Variants in CPAMD8 observed in about 807,000 individuals in gnomAD.
CPAMD8 encodes C3 and PZP like alpha-2-macroglobulin domain containing 8, also known as C3 and PZP-like alpha-2-macroglobulin domain-containing protein 8.
CPAMD8 carries 146 observed loss-of-function variants against 224.7 expected under a neutral mutation model. That is an observed-to-expected ratio of 0.65 (90% confidence interval 0.57 to 0.75). CPAMD8 has a LOEUF of 0.75. Among genes scored for constraint, CPAMD8 ranks in the 30% least tolerant of loss-of-function variants. The probability of loss-of-function intolerance (pLI) is 0.00; values close to 1 mark genes in which losing one functional copy is unlikely to be tolerated. For missense variants in CPAMD8, 2,301 were observed against 2,537.5 expected, an observed-to-expected ratio of 0.91 and a Z score of 2.00; for synonymous variants, 966 against 1,044.6, an observed-to-expected ratio of 0.92 and a Z score of 1.45.
At chr19:16,924,591 A>G (rs1019227610) in intron 26 of CPAMD8, among the ~76,000 whole-genome samples, 7 of 151,656 alleles carry the variant, frequency 4.6e-5, no homozygotes, top group Admixed American at 2.0e-4. Flanking sequence ...ATTCTTTTTT[A>G]TTTTTTACAG....
At chr19:16,971,826 C>G (rs1019235119) in intron 17 of CPAMD8, among the ~76,000 whole-genome samples, 1 of 152,138 alleles carries the variant, frequency 6.6e-6, no homozygotes, top group Non-Finnish European at 1.5e-5. Context: ...GTGGGCGGAT[C>G]ACTTGAGATC....
intron 23 of CPAMD8, among the ~76,000 whole-genome samples, chr19:16,935,024 C>T (rs1048854877): frequency 3.3e-5 from 5 of 152,132 alleles, no homozygotes; most frequent in Admixed American, 2.6e-4. Flanking sequence ...CTTTCTTTCT[C>T]TATGATTTTG....
At position 16,938,445 on chromosome 19, in the gene CPAMD8, G is replaced by C. The variant is rs539938043; in HGVS notation, c.2795C>G (p.Ala932Gly). Residue 932 changes from alanine to glycine, a missense_variant and splice_region_variant, in exon 23 of 42, where the codon GCG becomes GGG. By Grantham distance (60) the Ala-to-Gly change is moderately conservative. This residue lies in a region of CPAMD8 where 1,709 missense variants were observed against 1,753.2 expected (regional missense o/e 0.97). Transcript: ENST00000443236. ...GGTGTACGCCCGGGGGACTCCTTCC[G>C]CCTGAAACAAAGAAACAAGGAGAAC... The part of the protein sequence containing the change: ...DHVRRSVMVE[A>G]EGVPRAYTYS... The C allele has an allele frequency of 6.4e-7, 1 of 1,573,494 alleles. No individual in the cohort carries two copies. The highest frequency in any genetic ancestry group is 8.6e-7 in the Non-Finnish European group (1 of 1,159,028).
intron 7 of CPAMD8, among the ~76,000 whole-genome samples, chr19:17,006,812 G>A (rs571415708): frequency 6.1e-4 from 93 of 152,236 alleles, no homozygotes; most frequent in African/African-American, 2.2e-3. Flanking sequence ...CCCGGGCTGG[G>A]ATAGAGCCCC....
intron 23 of CPAMD8, among the ~76,000 whole-genome samples, chr19:16,936,713 A>C (rs2053695948): frequency 1.3e-5 from 2 of 152,100 alleles, no homozygotes; most frequent in South Asian, 4.1e-4. Context: ...GGCCTTGCCC[A>C]CTTTTAATTA....
In CPAMD8 at chr19:16,980,549, C is replaced by T. The variant is rs1160035963; in HGVS notation, c.1533G>A (p.Arg511=). The T allele has an allele frequency of 9.3e-6, 15 of 1,614,050 alleles. No individual in the cohort carries two copies. The highest frequency in any genetic ancestry group is 4.4e-5 in the South Asian group (4 of 91,082). Reference sequence around the variant, plus strand: ...TCGGTTTCTCCAGGGCAGGGGCCGCCCGCTTGCTTCGCTGCTGGGTGGTGT... The same window carrying T: ...TCGGTTTCTCCAGGGCAGGGGCCGCTCGCTTGCTTCGCTGCTGGGTGGTGT... The part of the protein sequence containing the change: ...PAHTTQQRSK[R]AAPALEKPIR... The change falls in exon 14 of 42, where the codon CGG becomes CGA. Residue 511 remains arginine, a synonymous_variant. Coordinates refer to ENST00000443236, the MANE Select transcript of CPAMD8 (RefSeq NM_015692.5).
chr19:17,021,726 C>T (rs935003700), intron 2 of CPAMD8, among the ~76,000 whole-genome samples: 6 of 152,188 alleles, frequency 3.9e-5, no homozygotes, highest in African/African-American at 1.4e-4. Flanking sequence ...CCTTCAGGTC[C>T]CCTGTCCCAC....
At chr19:16,949,055 G>GGGA (rs2054216789) in intron 20 of CPAMD8, among the ~76,000 whole-genome samples, 3 of 137,816 alleles carry the variant, frequency 2.2e-5, no homozygotes, top group African/African-American at 8.2e-5. Context: ...GACGGGAGGG[G>GGGA]GGGAGGGAGG....
Position 16,898,468 on chromosome 19 carries a change from C to G in CPAMD8, c.4849-474G>C, listed in dbSNP as rs1224541728. Among the ~76,000 whole-genome samples, 3 of 152,266 alleles carry G rather than the reference C, an allele frequency of 2.0e-5. No individual in the cohort carries two copies. The highest frequency in any genetic ancestry group is 7.2e-5 in the African/African-American group (3 of 41,558). ...TCAGGTGGCCTCTGAAACACCACTC[C>G]TTTTTGTGTGTGTGCACGCATGGCT... On this transcript the variant is annotated intron_variant, in intron 37 of 41. Coordinates refer to ENST00000443236, the MANE Select transcript of CPAMD8 (RefSeq NM_015692.5). This position sits in a 1 kb window ranked among gnomAD's most constrained non-coding sequence, Gnocchi z 4.2.
intron 14 of CPAMD8, among the ~76,000 whole-genome samples, chr19:16,979,604 G>GTCCA (rs55931208): frequency 0.47 from 70,558 of 149,266 alleles, 18,901 homozygotes; most frequent in African/African-American, 0.75. Flanking sequence ...TGTTCTATCA[G>GTCCA]TCCATCCATC....
At position 16,903,835 on chromosome 19, in the gene CPAMD8, G is replaced by T; in HGVS notation, c.4274C>A (p.Ala1425Asp). 1.2e-6 allele frequency: 2 copies of T among 1,613,900 alleles called. No homozygotes were observed. Among genetic ancestry groups the T allele is most frequent in the Non-Finnish European group, 1.7e-6 (2 of 1,180,022 alleles). ...GGACAAGATGGCATATTCAGCCAAG[G>T]CCTGCAGAGCCACGCAGGTGTCCTG... ...STQDTCVALQ[A>D]LAEYAILSYA... Residue 1425 changes from alanine to aspartate, a missense_variant, in exon 33 of 42, where the codon GCC becomes GAC. Transcript: ENST00000443236.
At chr19:16,949,564 G>A (rs992757317) in intron 20 of CPAMD8, among the ~76,000 whole-genome samples, 17 of 151,990 alleles carry the variant, frequency 1.1e-4, no homozygotes, top group East Asian at 7.7e-4. Context: ...CCCTGTGACC[G>A]CTGCCTTGGT....
chr19:16,955,290 TC>T lies in CPAMD8; in HGVS notation c.2276+2562del, dbSNP rs1480429582. Among the ~76,000 whole-genome samples, 12 of 132,874 alleles carry T rather than the reference TC, an allele frequency of 9.0e-5. No homozygotes were observed. The East Asian group carries it at 2.2e-3, about 24-fold the overall frequency. 87.2% of individuals were successfully genotyped at this position (132,874 alleles called of 152,430 possible). A position where few individuals can be genotyped will look rare whatever the true frequency, so the allele number is the denominator to read the frequency against. On this transcript the variant is annotated intron_variant, in intron 19 of 41. Coordinates refer to ENST00000443236, the MANE Select transcript of CPAMD8 (RefSeq NM_015692.5). Reference sequence around the variant, plus strand: ...AGCCTGGTGACAGAGCAAGACTCCATCTCAAGAAAAAAAAAAAAAAGAGAGA... The same window carrying T: ...AGCCTGGTGACAGAGCAAGACTCCATTCAAGAAAAAAAAAAAAAAGAGAGA...
chr19:16,956,294 T>G (rs2054470292), intron 19 of CPAMD8, among the ~76,000 whole-genome samples: 1 of 152,160 alleles, frequency 6.6e-6, no homozygotes, highest in Non-Finnish European at 1.5e-5. Flanking sequence ...CTGGACACCC[T>G]TCCCTTTCTT....
At chr19:16,942,219 T>C (rs558507706) in intron 22 of CPAMD8, among the ~76,000 whole-genome samples, 2 of 152,224 alleles carry the variant, frequency 1.3e-5, no homozygotes, top group African/African-American at 4.8e-5. Context: ...CCCAGCACTT[T>C]GGGAGACCGA....
At position 17,006,952 on chromosome 19, in the gene CPAMD8, C is replaced by T. The variant is rs1452320775; in HGVS notation, c.559+1553G>A. Among the ~76,000 whole-genome samples the T allele has an allele frequency of 3.9e-5, 6 of 152,126 alleles. No homozygotes were observed. The East Asian group carries it at 7.7e-4, about 20-fold the overall frequency. On this transcript the variant is annotated intron_variant, in intron 7 of 41. Coordinates refer to ENST00000443236, the MANE Select transcript of CPAMD8 (RefSeq NM_015692.5). ...TCACCCCATGGCAGTATCTATGTGG[C>T]GCCCAACAAATAGCTGCTGATACAA...
intron 41 of CPAMD8, 90 bp from the exon 42 acceptor site, chr19:16,893,429 G>T: frequency 1.1e-6 from 1 of 919,786 alleles, no homozygotes; most frequent in Non-Finnish European, 1.6e-6. Context: ...CCTGTCGCTT[G>T]TAGGGTGCCA....
chr19:16,934,206 A>G (rs897676098), intron 23 of CPAMD8, among the ~76,000 whole-genome samples: 7 of 152,058 alleles, frequency 4.6e-5, no homozygotes, highest in Non-Finnish European at 7.4e-5. Context: ...AACGGGCATG[A>G]CTCTTGGGAG....
At chr19:17,009,687 T>C (rs2056595466) in intron 5 of CPAMD8, among the ~76,000 whole-genome samples, 1 of 150,776 alleles carries the variant, frequency 6.6e-6, no homozygotes, top group South Asian at 2.1e-4. Flanking sequence ...GGCAGGAGAA[T>C]GGCATGAACC....
Sources: gnomAD v4.1 joint callset for allele counts (sites outside exome capture counted in the v4.1 genomes callset) on GRCh38, gnomAD v4.1.1 for gene constraint, gnomAD v4.1.1 regional missense constraint, Gnocchi (gnomAD v3.1) non-coding constraint, MANE v1.5 for transcripts, NCBI Gene and HGNC (gene_info 2026-07-23, HGNC 2026-07-21) for gene names.